CREB3L1: variants seen among roughly 807,000 people sequenced by gnomAD.
CREB3L1 encodes cyclic AMP-responsive element-binding protein 3-like protein 1.
A neutral mutation model predicts 54.5 loss-of-function variants in CREB3L1; 33 were observed. The observed-to-expected ratio is 0.61, with a 90% CI of 0.46 to 0.81. The LOEUF (loss-of-function observed/expected upper bound fraction) is 0.81. Among genes scored for constraint, CREB3L1 ranks in the 30% least tolerant of loss-of-function variants. CREB3L1 has a pLI of 0.00. For missense variants in CREB3L1, 656 were observed against 673.3 expected (o/e 0.97, Z 0.29); for synonymous variants, 284 against 286.4 (o/e 0.99, Z 0.08).
At chr11:46,311,569 G>C (rs573235678) in intron 5 of CREB3L1, among the ~76,000 whole-genome samples, 4 of 150,798 alleles carry the variant, frequency 2.7e-5, no homozygotes, top group African/African-American at 9.8e-5. Context: ...GCACGATCTC[G>C]GCTCACTGCA....
At position 46,278,761 on chromosome 11, in the gene CREB3L1, G is replaced by T. The variant is rs61885561; in HGVS notation, c.102+548G>T. Among the ~76,000 whole-genome samples the T allele has an allele frequency of 3.0e-4, 45 of 152,088 alleles. No individual in the cohort carries two copies. The highest frequency in any genetic ancestry group is 1.1e-3 in the African/African-American group (44 of 41,402). The stretch of plus-strand genomic sequence containing the variant: ...ACCCCAGGGAGGGACCTGAGGCTGG[G>T]GGCTGGGAAGAGGCGGTCAGGGCAA... On this transcript the variant is annotated intron_variant, in intron 1 of 11. Transcript: ENST00000621158. The surrounding 1 kb of genome is among the most constrained non-coding windows in gnomAD (Gnocchi z 4.2).
Position 46,320,296 on chromosome 11 carries a change from G to T in CREB3L1, c.1291G>T (p.Gly431Trp). The change falls in exon 11 of 12, where the codon GGG becomes TGG. Residue 431 changes from glycine (G) to tryptophan (W), a missense_variant. By Grantham distance (184) the Gly-to-Trp change is radical. Coordinates refer to ENST00000621158, the MANE Select transcript of CREB3L1 (RefSeq NM_052854.4). ...PSRSLLFYDD[G>W]AGLWEDGRST... ...CCGAAGCCTCCTATTCTACGATGAC[G>T]GGGCAGGCTTATGGGAAGATGGCCG... 6.2e-7 allele frequency: 1 copy of T among 1,611,644 alleles called. No individual in the cohort carries two copies. Among genetic ancestry groups the T allele is most frequent in the Non-Finnish European group, 8.5e-7 (1 of 1,178,864 alleles).
chr11:46,299,798 A>G (rs1412483899), intron 1 of CREB3L1, 137 bp from the exon 2 acceptor site: 6 of 666,618 alleles, frequency 9.0e-6, no homozygotes, highest in Admixed American at 6.8e-5. Context: ...GCTGATATTA[A>G]TGGGAATGGG....
intron 1 of CREB3L1, among the ~76,000 whole-genome samples, chr11:46,286,068 C>A (rs553807853): frequency 6.6e-6 from 1 of 152,350 alleles, no homozygotes; most frequent in Non-Finnish European, 1.5e-5. Context: ...GCCTTGGCCT[C>A]CTCATTTCTG....
chr11:46,316,898 C>T (rs960721141), intron 9 of CREB3L1, among the ~76,000 whole-genome samples: 2 of 152,184 alleles, frequency 1.3e-5, no homozygotes, highest in African/African-American at 4.8e-5. Context: ...CCGAGACCCT[C>T]GAGCTGTCAG....
chr11:46,307,970 C>T lies in CREB3L1; in HGVS notation c.486C>T (p.Ser162=), dbSNP rs775813006. 2.6e-5 allele frequency: 41 copies of T among 1,559,376 alleles called. No individual in the cohort carries two copies. Among genetic ancestry groups the T allele is most frequent in the Non-Finnish European group, 6.1e-6 (7 of 1,154,664 alleles). The change falls in exon 3 of 12, where the codon AGC becomes AGT. Residue 162 remains serine (S), a synonymous_variant. Transcript: ENST00000621158. ...CCACCACCCCGCTGCTGGGCCTCAG[C>T]CCCTTGTCCAGGCTGCCCATCCCCC... The part of the protein sequence containing the change: ...AMATTPLLGL[S]PLSRLPIPHQ...
At chr11:46,284,603 A>G (rs532095161) in intron 1 of CREB3L1, among the ~76,000 whole-genome samples, 11 of 151,748 alleles carry the variant, frequency 7.2e-5, no homozygotes, top group Admixed American at 2.0e-4. Flanking sequence ...GCAGTGAGCC[A>G]AGATCGCACC....
Position 46,311,142 on chromosome 11 carries a change from C to T in CREB3L1, c.706C>T (p.Arg236Cys), listed in dbSNP as rs565308246. Residue 236 changes from arginine (R) to cysteine (C), a missense_variant, in exon 5 of 12, where the codon CGC (arginine) becomes TGC (cysteine). By Grantham distance (180) the Arg-to-Cys change is radical. This residue lies in a region of CREB3L1 where 339 missense variants were observed against 331.5 expected (regional missense o/e 1.02). Coordinates refer to ENST00000621158, the MANE Select transcript of CREB3L1 (RefSeq NM_052854.4). ...CTCCAGCCCTGTCAGGCCCATGGCG[C>T]GCTCCTCCACGGCCATCTCCACCTC... is the stretch of plus-strand genomic sequence containing the variant. The part of the protein sequence containing the change: ...PPSSPVRPMA[R>C]SSTAISTSPL... 156 of 1,603,920 alleles carry T rather than the reference C, an allele frequency of 9.7e-5. No homozygotes were observed. The highest frequency in any genetic ancestry group is 5.0e-4 in the Middle Eastern group (3 of 6,052).
At chr11:46,288,588 CT>C (rs1033175212) in intron 1 of CREB3L1, among the ~76,000 whole-genome samples, 2 of 152,158 alleles carry the variant, frequency 1.3e-5, no homozygotes, top group Non-Finnish European at 2.9e-5. Context: ...AGGCTCTTTC[CT>C]TTGGGTAAAG....
intron 2 of CREB3L1, among the ~76,000 whole-genome samples, chr11:46,304,386 C>T (rs1354979309): frequency 6.6e-6 from 1 of 152,094 alleles, no homozygotes. Context: ...GCAGTAGAAT[C>T]GGTGAACCCG....
At position 46,296,550 on chromosome 11, in the gene CREB3L1, C is replaced by A. The variant is rs1021576139; in HGVS notation, c.103-3385C>A. 4.6e-5 allele frequency among the ~76,000 whole-genome samples: 7 copies of A among 152,302 alleles called. No individual in the cohort carries two copies. In the Middle Eastern group the frequency reaches 0.01, roughly 224 times the overall value. On this transcript the variant is annotated intron_variant, in intron 1 of 11. Transcript: ENST00000621158. Reference sequence around the variant, plus strand: ...CCTCTAACTTGGTGATAGAAACCAACCCTACCTTAGCCGCCATGAGAGGCC... The same window carrying A: ...CCTCTAACTTGGTGATAGAAACCAAACCTACCTTAGCCGCCATGAGAGGCC...
chr11:46,310,972 T>G, intron 4 of CREB3L1, 60 bp from the exon 5 acceptor site: 3 of 1,500,306 alleles, frequency 2.0e-6, no homozygotes, highest in Non-Finnish European at 2.7e-6. Context: ...GCTGAACTCA[T>G]GATGTCCAAG....
chr11:46,305,480 T>C (rs1590346435), intron 2 of CREB3L1, among the ~76,000 whole-genome samples: 1 of 151,782 alleles, frequency 6.6e-6, no homozygotes, highest in African/African-American at 2.4e-5. Flanking sequence ...CTTCTCTCTC[T>C]CCTGGCCGAT....
rs764332846 is a variant in CREB3L1, at chr11:46,320,438, C to G, written c.1433C>G (p.Thr478Ser). ...QHDHLDSTHE[T>S]TKYLSEAWPK... ...GATCACCTGGACAGCACCCACGAGA[C>G]CACCAAGTACCTGAGTGAGGCCTGG... Residue 478 changes from threonine to serine, a missense_variant, in exon 11 of 12, where the codon ACC becomes AGC. Thr to Ser is a moderately conservative substitution (Grantham distance 58, BLOSUM62 1). This residue lies in a region of CREB3L1 where 240 missense variants were observed against 219.8 expected (regional missense o/e 1.09). Transcript: ENST00000621158. The G allele has an allele frequency of 6.2e-7, 1 of 1,610,328 alleles. No homozygotes were observed. Among genetic ancestry groups the G allele is most frequent in the Non-Finnish European group, 8.5e-7 (1 of 1,178,420 alleles).
In CREB3L1 at chr11:46,307,958, G is replaced by C; in HGVS notation, c.474G>C (p.Leu158=). The C allele has an allele frequency of 1.3e-6, 2 of 1,566,602 alleles. No individual in the cohort carries two copies. The highest frequency in any genetic ancestry group is 1.7e-6 in the Non-Finnish European group (2 of 1,157,866). ...CGGCCGCCATGGCCACCACCCCGCT[G>C]CTGGGCCTCAGCCCCTTGTCCAGGC... is the stretch of plus-strand genomic sequence containing the variant. The part of the protein sequence containing the change: ...AAAAAMATTP[L]LGLSPLSRLP... The change falls in exon 3 of 12, where the codon CTG becomes CTC. Residue 158 remains leucine, a synonymous_variant. Transcript: ENST00000621158.
At chr11:46,305,744 A>T (rs377412123) in intron 2 of CREB3L1, among the ~76,000 whole-genome samples, 20,483 of 99,616 alleles carry the variant, frequency 0.21, 1,913 homozygotes, top group Middle Eastern at 0.29. Flanking sequence ...ATATATATAT[A>T]TATTTTTTTT....
intron 2 of CREB3L1, among the ~76,000 whole-genome samples, chr11:46,304,449 C>G (rs1939348737): frequency 6.6e-6 from 1 of 151,880 alleles, no homozygotes; most frequent in Admixed American, 6.6e-5. Context: ...CTAGCCTGGG[C>G]AACAAGAGCG....
At chr11:46,303,770 G>A (rs945559230) in intron 2 of CREB3L1, among the ~76,000 whole-genome samples, 1 of 152,230 alleles carries the variant, frequency 6.6e-6, no homozygotes, top group Non-Finnish European at 1.5e-5. Flanking sequence ...GGAGGCCGAG[G>A]CAGGAGGATT....
Position 46,321,394 on chromosome 11 carries a change from A to C in CREB3L1, c.*648A>C, listed in dbSNP as rs1482928685. ...CACATGCTTTAAGAAAGCAAAACCAAAAAAAAAAAAAAAAAGATGCAGCAT... is the reference window on the plus strand; with the variant it reads ...CACATGCTTTAAGAAAGCAAAACCACAAAAAAAAAAAAAAAGATGCAGCAT... On this transcript the variant is annotated 3_prime_UTR_variant, in exon 12 of 12. Transcript: ENST00000621158. 6.5e-6 allele frequency: 1 copy of C among 153,426 alleles called. No homozygotes were observed. Among genetic ancestry groups the C allele is most frequent in the East Asian group, 1.5e-4 (1 of 6,736 alleles). 9.5% of individuals were successfully genotyped at this position (153,426 alleles called of 1,614,324 possible). A position where few individuals can be genotyped will look rare whatever the true frequency, so the allele number is the denominator to read the frequency against.
Sources: allele counts gnomAD v4.1 joint callset (sites outside exome capture counted in the v4.1 genomes callset), GRCh38; gene constraint gnomAD v4.1.1; regional missense constraint gnomAD v4.1.1; non-coding constraint Gnocchi (gnomAD v3.1); transcripts MANE v1.5; gene names NCBI Gene and HGNC (gene_info 2026-07-23, HGNC 2026-07-21).